TULP4: variants seen among roughly 807,000 people sequenced by gnomAD.
TULP4 encodes the protein tubby-related protein 4.
In TULP4, 16 loss-of-function variants were observed where a neutral mutation model predicts 129.0. The ratio of observed to expected loss-of-function variants is 0.12; its 90% CI spans 0.08 to 0.19. The LOEUF (loss-of-function observed/expected upper bound fraction) is 0.19. Among genes scored for constraint, TULP4 ranks in the 10% least tolerant of loss-of-function variants. TULP4 has a pLI of 1.00. For missense variants in TULP4, 1,842 were observed against 2,059.1 expected, an observed-to-expected ratio of 0.89 and a Z score of 2.04; for synonymous variants, 998 against 854.0, an observed-to-expected ratio of 1.17 and a Z score of -2.94.
intron 3 of TULP4, among the ~76,000 whole-genome samples, chr6:158,432,178 G>A (rs1045420191): frequency 3.3e-5 from 5 of 150,546 alleles, no homozygotes; most frequent in Non-Finnish European, 2.9e-5. Context: ...ATTTACCACA[G>A]AGAACATGTG....
chr6:158,294,939 G>A (rs1779003129), intron 1 of TULP4, among the ~76,000 whole-genome samples: 1 of 152,114 alleles, frequency 6.6e-6, no homozygotes, highest in African/African-American at 2.4e-5. Flanking sequence ...CCCAGGTCCT[G>A]GGCTCAAGTG....
intron 6 of TULP4, among the ~76,000 whole-genome samples, chr6:158,463,776 T>C (rs960161519): frequency 6.6e-6 from 1 of 151,090 alleles, no homozygotes; most frequent in African/African-American, 2.4e-5. Context: ...TGGGGAAATC[T>C]GTAATTACAT....
upstream of TULP4, chr6:158,312,152 A>T: frequency 2.5e-6 from 1 of 398,144 alleles, no homozygotes; most frequent in Non-Finnish European, 4.4e-6. Context: ...GTGTGTGTCT[A>T]TGTGCATTTA....
intron 1 of TULP4, among the ~76,000 whole-genome samples, chr6:158,377,804 C>T (rs1777227847): frequency 6.6e-6 from 1 of 152,106 alleles, no homozygotes; most frequent in African/African-American, 2.4e-5. Context: ...TGTTTTAATG[C>T]ACTGAGTTAA....
At chr6:158,298,875 T>C (rs554136859) in intron 1 of TULP4, among the ~76,000 whole-genome samples, 2 of 152,180 alleles carry the variant, frequency 1.3e-5, no homozygotes, top group East Asian at 1.9e-4. Context: ...GCCGAACAGG[T>C]AGAGGAGCAT....
intron 1 of TULP4, among the ~76,000 whole-genome samples, chr6:158,266,849 T>C (rs902850160): frequency 5.3e-5 from 8 of 152,170 alleles, no homozygotes; most frequent in African/African-American, 1.9e-4. Flanking sequence ...GGGACAACGG[T>C]ATAATTCAGT....
chr6:158,382,424 A>G (rs1777350941), intron 1 of TULP4, among the ~76,000 whole-genome samples: 1 of 152,142 alleles, frequency 6.6e-6, no homozygotes, highest in South Asian at 2.1e-4. Flanking sequence ...ACCTTCCAAC[A>G]TTATAGATAT....
At position 158,449,113 on chromosome 6, in the gene TULP4, A is replaced by G. The variant is rs1645569266; in HGVS notation, c.661A>G (p.Ile221Val). 6.2e-7 allele frequency: 1 copy of G among 1,614,088 alleles called. No homozygotes were observed. Among genetic ancestry groups the G allele is most frequent in the African/African-American group, 1.3e-5 (1 of 75,028 alleles). Residue 221 changes from isoleucine to valine, a missense_variant, in exon 4 of 14, where the codon ATC becomes GTC. This residue lies in a region of TULP4 where 456 missense variants were observed against 534.3 expected (regional missense o/e 0.85). Transcript: ENST00000367097. Reference protein sequence around the residue: ...GVLGMSWNYPIFLVEDSSESD... With the variant: ...GVLGMSWNYPVFLVEDSSESD... ...CCTCGGCATGTCCTGGAACTACCCGATCTTCCTGGTGGAGGACAGCAGCGA... is the reference window on the plus strand; with the variant it reads ...CCTCGGCATGTCCTGGAACTACCCGGTCTTCCTGGTGGAGGACAGCAGCGA...
chr6:158,506,222 C>CTTTTTTTT lies in TULP4; in HGVS notation c.4516-335_4516-328dup, dbSNP rs61292138. Reference sequence around the variant, plus strand: ...CGGCTGTCGCCTTGCTCGCCTTGTTCTTTTTTTTTTTTTTTTTTTTTTTTT... The same window carrying CTTTTTTTT: ...CGGCTGTCGCCTTGCTCGCCTTGTTCTTTTTTTTTTTTTTTTTTTTTTTTTTTTTTTTT... On this transcript the variant is annotated intron_variant, in intron 13 of 13. Coordinates refer to ENST00000367097, the MANE Select transcript of TULP4 (RefSeq NM_020245.5). Among the ~76,000 whole-genome samples the CTTTTTTTT allele has an allele frequency of 4.4e-3, 243 of 55,512 alleles. 38 individuals carry two copies. The highest frequency in any genetic ancestry group is 5.2e-3 in the Non-Finnish European group (156 of 30,228). The allele number at this position is 55,512 out of a possible 152,430, so 36.4% of individuals were successfully genotyped here.
chr6:158,505,120 C>A (rs1780571607), intron 13 of TULP4, among the ~76,000 whole-genome samples: 1 of 152,204 alleles, frequency 6.6e-6, no homozygotes, highest in Non-Finnish European at 1.5e-5. Context: ...TTCCCCAGTT[C>A]TCGAACCGGA....
At chr6:158,468,865 C>T (rs1013603220) in intron 6 of TULP4, among the ~76,000 whole-genome samples, 12 of 152,188 alleles carry the variant, frequency 7.9e-5, no homozygotes, top group African/African-American at 2.7e-4. Context: ...AGGGAGGCGC[C>T]TCCCTTTAAT....
At chr6:158,366,550 CG>C (rs1780969022) in intron 1 of TULP4, among the ~76,000 whole-genome samples, 1 of 152,184 alleles carries the variant, frequency 6.6e-6, no homozygotes, top group African/African-American at 2.4e-5. Flanking sequence ...GCGTCATACT[CG>C]GAGCCATTTG....
chr6:158,247,053 T>G (rs1216458365), intron 1 of TULP4, among the ~76,000 whole-genome samples: 1 of 152,212 alleles, frequency 6.6e-6, no homozygotes, highest in Admixed American at 6.5e-5. Flanking sequence ...CACACTATAA[T>G]GTAAGATACT....
In TULP4 at chr6:158,406,441, A is replaced by G. The variant is rs187140097; in HGVS notation, c.253-6624A>G. On this transcript the variant is annotated intron_variant, in intron 1 of 13. Coordinates refer to ENST00000367097, the MANE Select transcript of TULP4 (RefSeq NM_020245.5). ...GTTTTCAAAGTGATTTGCAACCTCA[A>G]TGAATAGTGCATGTGATTGAACATA... 7.2e-5 allele frequency among the ~76,000 whole-genome samples: 11 copies of G among 152,332 alleles called. No homozygotes were observed. In the East Asian group the frequency reaches 1.7e-3, roughly 24 times the overall value.
chr6:158,236,795 C>CTTTTTTTTTTTTTTTTTTTTTTTTT (rs71030149), intron 1 of TULP4, among the ~76,000 whole-genome samples: 8 of 63,296 alleles, frequency 1.3e-4, no homozygotes, highest in East Asian at 3.2e-4. Flanking sequence ...CAATTCTTTT[C>CTTTTTTTTTTTTTTTTTTTTTTTTT]TTTTTTTTTT....
intron 3 of TULP4, among the ~76,000 whole-genome samples, chr6:158,441,988 C>A (rs1486932739): frequency 6.6e-6 from 1 of 152,330 alleles, no homozygotes; most frequent in East Asian, 1.9e-4. Flanking sequence ...ATCGCGTTGA[C>A]AGCCCCCTTC....
intron 1 of TULP4, among the ~76,000 whole-genome samples, chr6:158,379,533 G>A (rs933870807): frequency 6.6e-6 from 1 of 152,226 alleles, no homozygotes; most frequent in Non-Finnish European, 1.5e-5. Context: ...TTTAAAGAAT[G>A]TGGCTCAGGG....
chr6:158,334,569 T>C (rs1779988890), intron 1 of TULP4, among the ~76,000 whole-genome samples: 2 of 146,256 alleles, frequency 1.4e-5, no homozygotes, highest in Admixed American at 7.0e-5. Flanking sequence ...TATGCAGATC[T>C]TCAACTGTGT....
At chr6:158,506,474 G>C (rs1287336096) in intron 13 of TULP4, 104 bp from the exon 14 acceptor site, 2 of 777,858 alleles carry the variant, frequency 2.6e-6, no homozygotes, top group Non-Finnish European at 4.7e-6. Context: ...GTCGTGATCT[G>C]CCCACCTCGG....
Sources: allele counts gnomAD v4.1 joint callset (sites outside exome capture counted in the v4.1 genomes callset), GRCh38; gene constraint gnomAD v4.1.1; regional missense constraint gnomAD v4.1.1; transcripts MANE v1.5; gene names NCBI Gene and HGNC (gene_info 2026-07-23, HGNC 2026-07-21).